Variants in PTPRS observed in about 807,000 individuals in gnomAD.
PTPRS encodes receptor-type tyrosine-protein phosphatase S.
In PTPRS, 63 loss-of-function variants were observed where a neutral mutation model predicts 215.3. The ratio of observed to expected loss-of-function variants is 0.29; its 90% confidence interval spans 0.24 to 0.36. The LOEUF is 0.36. PTPRS is among the 10% of genes least tolerant of loss of function. PTPRS has a pLI of 1.00. For missense variants in PTPRS, 2,258 were observed against 2,825.8 expected (o/e 0.80, Z 4.56); for synonymous variants, 1,404 against 1,191.4 (o/e 1.18, Z -3.68).
Position 5,264,694 on chromosome 19 carries a change from G to A in PTPRS, c.568+314C>T, listed in dbSNP as rs372862130. ...CCTGAGCATGGGAGACACTCTCCCC[G>A]CCCATGGCCCTATATAACTCCCCAT... On this transcript the variant is annotated intron_variant, in intron 5 of 37. Coordinates refer to ENST00000262963, the MANE Select transcript of PTPRS (RefSeq NM_002850.4). Among the ~76,000 whole-genome samples, 371 of 152,184 alleles carry A rather than the reference G, an allele frequency of 2.4e-3. 3 individuals carry two copies. Among genetic ancestry groups the A allele is most frequent in the African/African-American group, 8.1e-3 (338 of 41,524 alleles).
Position 5,206,231 on chromosome 19 carries a change from G to T in PTPRS, c.*543C>A. ...CTCTTTGAAAGTCATTGACTGGCGA[G>T]TCTTTTGTTTGTTTCTCTTAAAAAA... On this transcript the variant is annotated 3_prime_UTR_variant, in exon 38 of 38. Coordinates refer to ENST00000262963, the MANE Select transcript of PTPRS (RefSeq NM_002850.4). The T allele has an allele frequency of 6.2e-6, 1 of 161,166 alleles. No homozygotes were observed. Among genetic ancestry groups the T allele is most frequent in the Non-Finnish European group, 1.2e-5 (1 of 85,122 alleles). The allele number at this position is 161,166 out of a possible 1,614,324, so 10.0% of individuals were successfully genotyped here. A position where few individuals can be genotyped will look rare whatever the true frequency, so the allele number is the denominator to read the frequency against.
chr19:5,223,119 C>T lies in PTPRS; in HGVS notation c.2673G>A (p.Thr891=), dbSNP rs750512636. 35 of 1,567,636 alleles carry T rather than the reference C, an allele frequency of 2.2e-5. No individual in the cohort carries two copies. Among genetic ancestry groups the T allele is most frequent in the Non-Finnish European group, 2.9e-5 (33 of 1,156,840 alleles). Residue 891 remains threonine (T), a synonymous_variant, in exon 18 of 38, where the codon ACG becomes ACA. Transcript: ENST00000262963. ...LEFPPSEDRY[T]ASGVHKGATY... is the part of the protein sequence containing the mutation. ...TGGCCCCCTTGTGCACGCCTGATGC[C>T]GTGTAGCGGTCCTCGGAGGGCGGGA...
chr19:5,223,233 C>G lies in PTPRS; in HGVS notation c.2559G>C (p.Glu853Asp), dbSNP rs961564035. 7.4e-6 allele frequency: 11 copies of G among 1,490,996 alleles called. No homozygotes were observed. In the African/African-American group the frequency reaches 1.6e-4, roughly 21 times the overall value. 92.4% of individuals were successfully genotyped at this position (1,490,996 alleles called of 1,614,324 possible). A position where few individuals can be genotyped will look rare whatever the true frequency, so the allele number is the denominator to read the frequency against. Residue 853 changes from glutamate (E) to aspartate (D), a missense_variant, in exon 18 of 38, where the codon GAG becomes GAC. Transcript: ENST00000262963. ...TPEGSLLARWEPPAGTAEDQV... is the reference protein window; with the variant it reads ...TPEGSLLARWDPPAGTAEDQV... ...GGTCCTCCGCGGTGCCAGCCGGGGG[C>G]TCCCAGCGTGCCAGCAGGCTGCCCT...
At chr19:5,260,782 T>C (rs1231461811) in intron 7 of PTPRS, 23 bp downstream of exon 7, 2 of 1,613,110 alleles carry the variant, frequency 1.2e-6, no homozygotes, top group Non-Finnish European at 1.7e-6. Context: ...CGTGAGTGGG[T>C]GGGTGAGTGA....
intron 17 of PTPRS, 97 bp from the exon 18 acceptor site, chr19:5,223,394 A>C: frequency 1.2e-5 from 15 of 1,276,816 alleles, no homozygotes; most frequent in South Asian, 1.9e-5. Flanking sequence ...CCTTCAATAT[A>C]ACATTTTTTT....
At chr19:5,302,058 A>C (rs2049318918) in intron 1 of PTPRS, among the ~76,000 whole-genome samples, 1 of 151,544 alleles carries the variant, frequency 6.6e-6, no homozygotes, top group Non-Finnish European at 1.5e-5. Flanking sequence ...CTAGGATTAC[A>C]GGTGTGAGCC....
At position 5,243,964 on chromosome 19, in the gene PTPRS, C is replaced by T. The variant is rs1488811231; in HGVS notation, c.1507G>A (p.Ala503Thr). Reference protein sequence around the residue: ...EDETYTVRVLAFTSVGDGPLS... With the variant: ...EDETYTVRVLTFTSVGDGPLS... ...GGCCCGTCGCCGACGGAGGTGAAGGCGAGCACCCGCACGGTGTAGGTCTCG... is the reference window on the plus strand; with the variant it reads ...GGCCCGTCGCCGACGGAGGTGAAGGTGAGCACCCGCACGGTGTAGGTCTCG... The change falls in exon 11 of 38, where the codon GCC becomes ACC. Residue 503 changes from alanine to threonine, a missense_variant. Ala to Thr is a moderately conservative substitution (Grantham distance 58). This residue lies in a region of PTPRS where 508 missense variants were observed against 799.4 expected (regional missense o/e 0.64). Transcript: ENST00000262963. The T allele has an allele frequency of 1.3e-6, 2 of 1,593,994 alleles. No homozygotes were observed. Among genetic ancestry groups the T allele is most frequent in the Non-Finnish European group, 1.7e-6 (2 of 1,174,958 alleles).
Position 5,262,157 on chromosome 19 carries a change from C to A in PTPRS, c.577+807G>T, listed in dbSNP as rs1251602601. ...GGGTGTGGTGGTGGGTGCCTGTAAT[C>A]CCTGCTACTCAGGAGACTGAGGCAG... On this transcript the variant is annotated intron_variant, in intron 6 of 37. Transcript: ENST00000262963. Among the ~76,000 whole-genome samples the A allele has an allele frequency of 4.6e-5, 7 of 152,132 alleles. No homozygotes were observed. In the East Asian group the frequency reaches 1.3e-3, roughly 29 times the overall value.
At chr19:5,305,932 TC>T (rs1192584355) in intron 1 of PTPRS, among the ~76,000 whole-genome samples, 1 of 33,080 alleles carries the variant, frequency 3.0e-5, no homozygotes, top group African/African-American at 1.8e-4. Flanking sequence ...AGAGCAAGAC[TC>T]CGTCTCAAAA....
At chr19:5,321,581 G>A (rs1055731574) in intron 1 of PTPRS, among the ~76,000 whole-genome samples, 8 of 152,202 alleles carry the variant, frequency 5.3e-5, no homozygotes, top group Non-Finnish European at 7.3e-5. Context: ...CTCGTGCCTC[G>A]TGAGTACCCA....
chr19:5,223,362 G>A, intron 17 of PTPRS, 65 bp from the exon 18 acceptor site: 8 of 1,389,514 alleles, frequency 5.8e-6, no homozygotes, highest in Non-Finnish European at 7.4e-6. Flanking sequence ...GCACAAGGTG[G>A]GGTTGTATTT....
In PTPRS at chr19:5,293,313, C is replaced by A. The variant is rs1271316344; in HGVS notation, c.-94-7079G>T. The A allele has an allele frequency of 5.4e-4, 26 of 47,708 alleles. No homozygotes were observed. The highest frequency in any genetic ancestry group is 9.9e-4 in the Non-Finnish European group (23 of 23,288). The allele number at this position is 47,708 out of a possible 1,614,324, so 3.0% of individuals were successfully genotyped here. On this transcript the variant is annotated intron_variant, in intron 1 of 37. Transcript: ENST00000262963. The surrounding 1 kb of genome is among the most constrained non-coding windows in gnomAD (Gnocchi z 8.4). ...GGGCAAGGGGCGGGGCTGTAGGGGG[C>A]GGGGTTGCAGTGGGCGGGGCTGCAG...
chr19:5,285,932 T>C (rs1206204441), intron 2 of PTPRS, 118 bp downstream of exon 2: 2 of 876,424 alleles, frequency 2.3e-6, no homozygotes, highest in African/African-American at 3.4e-5. Context: ...AAAGTTCCAT[T>C]TGGCAAAATG....
Position 5,223,211 on chromosome 19 carries a change from C to A in PTPRS, c.2581G>T (p.Asp861Tyr). The A allele has an allele frequency of 6.6e-7, 1 of 1,516,556 alleles. No homozygotes were observed. Among genetic ancestry groups the A allele is most frequent in the Non-Finnish European group, 8.8e-7 (1 of 1,131,800 alleles). The allele number at this position is 1,516,556 out of a possible 1,614,324, so 93.9% of individuals were successfully genotyped here. A position where few individuals can be genotyped will look rare whatever the true frequency, so the allele number is the denominator to read the frequency against. The part of the protein sequence containing the change: ...RWEPPAGTAE[D>Y]QVLGYRLQFG... ...TGCAGGCGGTAGCCCAGCACCTGGT[C>A]CTCCGCGGTGCCAGCCGGGGGCTCC... Residue 861 changes from aspartate (D) to tyrosine (Y), a missense_variant, in exon 18 of 38, where the codon GAC becomes TAC. Around this residue, in one of 6 missense-constraint regions of PTPRS, gnomAD observed 361 missense variants for 332.6 expected, o/e 1.09. Transcript: ENST00000262963.
chr19:5,292,250 G>A (rs565611740), intron 1 of PTPRS, among the ~76,000 whole-genome samples: 2 of 152,172 alleles, frequency 1.3e-5, no homozygotes, highest in Admixed American at 6.5e-5. Context: ...CATCCCTGGC[G>A]TCACCTGGGT....
In PTPRS at chr19:5,286,161, C is replaced by G. The variant is rs2048334524; in HGVS notation, c.-21G>C. The G allele has an allele frequency of 1.2e-6, 2 of 1,611,888 alleles. No homozygotes were observed. The highest frequency in any genetic ancestry group is 2.7e-5 in the African/African-American group (2 of 74,886). Reference sequence around the variant, plus strand: ...GCCATGCTTGGCAGCGACCTCCGATCTCCGCCCTGGAGGGGGATGGCCCCC... The same window carrying G: ...GCCATGCTTGGCAGCGACCTCCGATGTCCGCCCTGGAGGGGGATGGCCCCC... On this transcript the variant is annotated 5_prime_UTR_variant, in exon 2 of 38. Coordinates refer to ENST00000262963, the MANE Select transcript of PTPRS (RefSeq NM_002850.4).
intron 1 of PTPRS, among the ~76,000 whole-genome samples, chr19:5,289,996 G>A (rs572523791): frequency 6.6e-6 from 1 of 152,368 alleles, no homozygotes; most frequent in East Asian, 1.9e-4. Flanking sequence ...GGGAAATTAA[G>A]TCAGGTGCAG....
intron 5 of PTPRS, among the ~76,000 whole-genome samples, chr19:5,264,416 T>C (rs2146367689): frequency 6.6e-6 from 1 of 152,278 alleles, no homozygotes; most frequent in East Asian, 1.9e-4. Flanking sequence ...CATGGCTCAC[T>C]GACACTTCTG....
intron 1 of PTPRS, among the ~76,000 whole-genome samples, chr19:5,292,477 A>C (rs1403731866): frequency 1.3e-5 from 2 of 152,150 alleles, no homozygotes; most frequent in Non-Finnish European, 2.9e-5. Context: ...TGGGTCCTGG[A>C]ACGGCTTAGA....
Sources: allele counts gnomAD v4.1 joint callset (sites outside exome capture counted in the v4.1 genomes callset), GRCh38; gene constraint gnomAD v4.1.1; regional missense constraint gnomAD v4.1.1; non-coding constraint Gnocchi (gnomAD v3.1); transcripts MANE v1.5; gene names NCBI Gene and HGNC (gene_info 2026-07-23, HGNC 2026-07-21).